Variants in ZFHX3 observed in about 807,000 individuals in gnomAD.
The protein encoded by ZFHX3 is zinc finger homeobox 3, also known as zinc finger homeobox protein 3.
ZFHX3 carries 42 observed loss-of-function variants against 279.1 expected under a neutral mutation model. That is an observed-to-expected ratio of 0.15 (90% confidence interval 0.12 to 0.19). ZFHX3 has a LOEUF of 0.19. ZFHX3 is among the 10% of genes least tolerant of loss of function. ZFHX3 has a pLI of 1.00. For missense variants in ZFHX3, 4,981 were observed against 4,754.0 expected (o/e 1.05, Z -1.40); for synonymous variants, 2,293 against 1,957.8 (o/e 1.17, Z -4.52).
At chr16:73,458,325 A>C (rs8057367) in intron 2 of ZFHX3, among the ~76,000 whole-genome samples, 85,265 of 115,354 alleles carry the variant, frequency 0.74, 29,505 homozygotes, top group Non-Finnish European at 0.76. Flanking sequence ...TTCCTCCCTC[A>C]CTTCCTCCCT....
intron 1 of ZFHX3, among the ~76,000 whole-genome samples, chr16:73,782,438 G>T (rs1367492108): frequency 1.3e-5 from 2 of 152,196 alleles, no homozygotes; most frequent in African/African-American, 2.4e-5. Flanking sequence ...GCCTACTCAT[G>T]AGCAGCTATT....
chr16:73,449,840 T>C (rs79748139), intron 3 of ZFHX3, among the ~76,000 whole-genome samples: 5,757 of 152,154 alleles, frequency 0.038, 293 homozygotes, highest in East Asian at 0.27. Context: ...TTTCTCCATT[T>C]TTTTTCTCTT....
intron 2 of ZFHX3, among the ~76,000 whole-genome samples, chr16:73,461,673 T>C (rs930358405): frequency 1.3e-5 from 2 of 152,216 alleles, no homozygotes; most frequent in East Asian, 1.9e-4. Context: ...TTTTATACCT[T>C]TGTCAAAAAT....
intron 3 of ZFHX3, among the ~76,000 whole-genome samples, chr16:72,936,551 C>G (rs1960136095): frequency 6.6e-6 from 1 of 152,152 alleles, no homozygotes; most frequent in Admixed American, 6.5e-5. Context: ...ATGTCAAGGT[C>G]AAGGAGGTAC....
intron 5 of ZFHX3, chr16:72,821,956 A>G (rs2036803805): frequency 6.6e-6 from 1 of 152,236 alleles, no homozygotes; most frequent in Admixed American, 6.5e-5. Context: ...TGAAGAGCGG[A>G]AAGCCTGCTA....
chr16:73,762,629 T>C (rs1039174255), intron 1 of ZFHX3, among the ~76,000 whole-genome samples: 1 of 152,180 alleles, frequency 6.6e-6, no homozygotes, highest in East Asian at 1.9e-4. Flanking sequence ...ATATATACCA[T>C]GGAATACTAT....
At chr16:73,537,743 G>C (rs1460815792) in intron 2 of ZFHX3, among the ~76,000 whole-genome samples, 1 of 152,174 alleles carries the variant, frequency 6.6e-6, no homozygotes. Context: ...CATTCTTCAG[G>C]AGTCCCATGA....
chr16:73,672,191 G>C (rs1696669754), intron 2 of ZFHX3, among the ~76,000 whole-genome samples: 1 of 152,006 alleles, frequency 6.6e-6, no homozygotes, highest in African/African-American at 2.4e-5. Context: ...TCTTTACTCT[G>C]ACACCCCTAG....
At chr16:72,921,069 CAAAAAAAAAAAAAAAAA>C (rs57294537) in intron 3 of ZFHX3, among the ~76,000 whole-genome samples, 1 of 23,572 alleles carries the variant, frequency 4.2e-5, no homozygotes, top group Non-Finnish European at 8.0e-5. Context: ...CAGACCTTGT[CAAAAAAAAAAAAAAAAA>C]AAAAAAAAAG....
At chr16:73,767,768 G>A (rs557372645) in intron 1 of ZFHX3, among the ~76,000 whole-genome samples, 3 of 152,166 alleles carry the variant, frequency 2.0e-5, no homozygotes, top group African/African-American at 7.2e-5. Flanking sequence ...GATCTGCGAT[G>A]GGAGACTTAA....
At chr16:73,236,491 G>A (rs1392123147) in intron 5 of ZFHX3, among the ~76,000 whole-genome samples, 4 of 152,152 alleles carry the variant, frequency 2.6e-5, no homozygotes, top group African/African-American at 9.6e-5. Flanking sequence ...TTGCGGGGCT[G>A]AAGCACGGGA....
chr16:73,389,737 G>GGGCC (rs1171577619), intron 3 of ZFHX3, among the ~76,000 whole-genome samples: 3 of 152,206 alleles, frequency 2.0e-5, no homozygotes, highest in Non-Finnish European at 4.4e-5. Context: ...CTGCCCTTTG[G>GGGCC]GGCCAGTCAG....
At chr16:73,066,281 TATAGC>T (rs1249269967) in intron 8 of ZFHX3, among the ~76,000 whole-genome samples, 1 of 151,808 alleles carries the variant, frequency 6.6e-6, no homozygotes, top group Non-Finnish European at 1.5e-5. Context: ...CTGGATGTTG[TATAGC>T]GCAGGCCCCT....
Position 72,788,384 on chromosome 16 carries a change from C to A in ZFHX3, c.9892G>T (p.Asp3298Tyr). ...TGGCTTGTGAGCAATGCTGTGGGGT[C>A]CGAAGTCAACGCGGCCTGCAGGGCC... is the stretch of plus-strand genomic sequence containing the variant. ...LQALQAALTS[D>Y]PTALLTSQFL... Residue 3298 changes from aspartate (D) to tyrosine (Y), a missense_variant, in exon 10 of 10, where the codon GAC becomes TAC. Asp to Tyr is a radical substitution (Grantham distance 160, BLOSUM62 -3). Transcript: ENST00000268489. 6.2e-7 allele frequency: 1 copy of A among 1,614,178 alleles called. No individual in the cohort carries two copies. Among genetic ancestry groups the A allele is most frequent in the Non-Finnish European group, 8.5e-7 (1 of 1,180,030 alleles).
At chr16:73,483,508 C>A (rs2143631474) in intron 2 of ZFHX3, 2 of 398,352 alleles carry the variant, frequency 5.0e-6, no homozygotes, top group Admixed American at 3.0e-5. Flanking sequence ...CGACGCTGAA[C>A]AAATAGGCCA....
chr16:73,280,851 G>A (rs1047392917), intron 4 of ZFHX3, among the ~76,000 whole-genome samples: 6 of 151,952 alleles, frequency 3.9e-5, no homozygotes, highest in Non-Finnish European at 8.8e-5. Flanking sequence ...TAGGCATGGT[G>A]GTGCATGCCT....
chr16:73,472,073 T>C (rs147186499), intron 2 of ZFHX3, among the ~76,000 whole-genome samples: 1 of 152,218 alleles, frequency 6.6e-6, no homozygotes, highest in East Asian at 1.9e-4. Context: ...TCATTCCTCC[T>C]AATAGTCTTT....
intron 1 of ZFHX3, among the ~76,000 whole-genome samples, chr16:73,784,914 C>T (rs1490570953): frequency 2.0e-5 from 3 of 151,710 alleles, no homozygotes; most frequent in Non-Finnish European, 4.4e-5. Context: ...GTTCTTCCCA[C>T]ACCTAATTCC....
At chr16:73,623,374 T>C (rs1233820926) in intron 2 of ZFHX3, among the ~76,000 whole-genome samples, 1 of 152,124 alleles carries the variant, frequency 6.6e-6, no homozygotes, top group Admixed American at 6.5e-5. Flanking sequence ...TATTTTTTTT[T>C]CCATCTAATT....
Sources: gnomAD v4.1 joint callset for allele counts (sites outside exome capture counted in the v4.1 genomes callset) on GRCh38, gnomAD v4.1.1 for gene constraint, MANE v1.5 for transcripts, NCBI Gene and HGNC (gene_info 2026-07-23, HGNC 2026-07-21) for gene names.